Variants in EIF4E3 observed in about 807,000 individuals in gnomAD.
EIF4E3 encodes eukaryotic translation initiation factor 4E type 3.
In EIF4E3, 26 loss-of-function variants were observed where a neutral mutation model predicts 31.7. The observed-to-expected ratio is 0.82, with a 90% CI of 0.60 to 1.14. EIF4E3 has a LOEUF of 1.14. Ranked by LOEUF, EIF4E3 falls within the 50% of genes most tolerant of loss-of-function variation. The pLI is 0.00. For missense variants in EIF4E3, 304 were observed against 270.9 expected, an observed-to-expected ratio of 1.12 and a Z score of -0.86; for synonymous variants, 128 against 107.7, an observed-to-expected ratio of 1.19 and a Z score of -1.17.
chr3:71,737,989 G>A (rs952934168), intron 1 of EIF4E3, among the ~76,000 whole-genome samples: 5 of 152,062 alleles, frequency 3.3e-5, no homozygotes, highest in East Asian at 1.9e-4. Flanking sequence ...TTCCTCCCAC[G>A]AAGTATAGTG....
At chr3:71,698,935 T>C (rs1000383922) in intron 3 of EIF4E3, among the ~76,000 whole-genome samples, 7 of 152,330 alleles carry the variant, frequency 4.6e-5, no homozygotes, top group African/African-American at 1.7e-4. Context: ...ATTACATTTC[T>C]GGTGGCTGGG....
At chr3:71,710,567 G>T in intron 1 of EIF4E3, 83 bp from the exon 2 acceptor site, 1 of 1,360,308 alleles carries the variant, frequency 7.4e-7, no homozygotes, top group Non-Finnish European at 1.0e-6. Flanking sequence ...AATCTTTCAC[G>T]TCTTCCTAAA....
chr3:71,736,115 C>G (rs997001523), intron 1 of EIF4E3, among the ~76,000 whole-genome samples: 1 of 152,164 alleles, frequency 6.6e-6, no homozygotes, highest in African/African-American at 2.4e-5. Flanking sequence ...CACTATACAC[C>G]TATTAGAATG....
At chr3:71,693,096 G>C (rs1203569617) in intron 5 of EIF4E3, among the ~76,000 whole-genome samples, 1 of 152,160 alleles carries the variant, frequency 6.6e-6, no homozygotes, top group South Asian at 2.1e-4. Flanking sequence ...TTAACTGAAA[G>C]CTGGGGAAGA....
intron 1 of EIF4E3, among the ~76,000 whole-genome samples, chr3:71,745,306 A>G (rs1360789202): frequency 6.6e-6 from 1 of 152,206 alleles, no homozygotes; most frequent in East Asian, 1.9e-4. Flanking sequence ...GGGCATTTAA[A>G]AGAGCCAAAC....
chr3:71,735,590 C>T (rs920694851), intron 1 of EIF4E3, among the ~76,000 whole-genome samples: 1 of 152,090 alleles, frequency 6.6e-6, no homozygotes, highest in African/African-American at 2.4e-5. Context: ...CAAAGAAACG[C>T]AATACTGTGC....
At chr3:71,746,473 C>T (rs958715313) in intron 1 of EIF4E3, among the ~76,000 whole-genome samples, 11 of 152,188 alleles carry the variant, frequency 7.2e-5, no homozygotes, top group Admixed American at 7.2e-4. Context: ...AATCCTTATG[C>T]ACATGATCAT....
chr3:71,714,277 GGAAGGAAGGAAGGAAGGAAGGAAGGAAC>G (rs1373915597), intron 1 of EIF4E3, among the ~76,000 whole-genome samples: 2,554 of 135,802 alleles, frequency 0.019, 89 homozygotes, highest in African/African-American at 0.061. Flanking sequence ...AAGGAAAGAA[GGAAGGAAGGAAGGAAGGAAGGAAGGAAC>G]GAAAGAAAGG....
intron 5 of EIF4E3, among the ~76,000 whole-genome samples, chr3:71,692,187 C>G (rs78429760): frequency 0.021 from 3,184 of 152,184 alleles, 290 homozygotes; most frequent in Admixed American, 0.15. Context: ...CCAGCAAAAC[C>G]TTGATTATTT....
chr3:71,712,025 GAAGGT>G (rs1343394389), intron 1 of EIF4E3, among the ~76,000 whole-genome samples: 2 of 152,124 alleles, frequency 1.3e-5, no homozygotes, highest in African/African-American at 4.8e-5. Context: ...TTCCTTATCA[GAAGGT>G]CACTAAAGAA....
At chr3:71,752,867 C>A (rs938775614) in intron 1 of EIF4E3, among the ~76,000 whole-genome samples, 1 of 152,150 alleles carries the variant, frequency 6.6e-6, no homozygotes, top group Non-Finnish European at 1.5e-5. Flanking sequence ...CAAGGTCCTG[C>A]GAGACAAATG....
At chr3:71,754,329 G>T, upstream of EIF4E3, 2 of 1,241,474 alleles carry the variant, frequency 1.6e-6, no homozygotes, top group Non-Finnish European at 2.0e-6. The surrounding 1 kb of genome is among the most constrained non-coding windows in gnomAD (Gnocchi z 5.8). Flanking sequence ...GGGCGCGCTG[G>T]GCTGCAAGCT....
intron 5 of EIF4E3, among the ~76,000 whole-genome samples, chr3:71,690,696 G>A (rs968965079): frequency 6.6e-6 from 1 of 152,168 alleles, no homozygotes; most frequent in Non-Finnish European, 1.5e-5. Context: ...CTGCTCATCT[G>A]CTTTCTGCGG....
intron 1 of EIF4E3, among the ~76,000 whole-genome samples, chr3:71,722,442 G>A (rs188458470): frequency 8.5e-5 from 13 of 152,262 alleles, no homozygotes; most frequent in African/African-American, 7.2e-5. Flanking sequence ...ACTCAGAGGC[G>A]AGCGGGTCAC....
intron 1 of EIF4E3, among the ~76,000 whole-genome samples, chr3:71,718,593 C>T (rs758531495): frequency 4.6e-5 from 7 of 152,214 alleles, no homozygotes; most frequent in Non-Finnish European, 1.0e-4. Flanking sequence ...GAACCATTCC[C>T]ATGACAGATC....
At chr3:71,685,554 G>T in intron 6 of EIF4E3, among the ~76,000 whole-genome samples, 1 of 152,020 alleles carries the variant, frequency 6.6e-6, no homozygotes, top group East Asian at 1.9e-4. Flanking sequence ...TAGAGATGGG[G>T]GTCTCACCAT....
chr3:71,693,418 G>C (rs549226961), intron 5 of EIF4E3, among the ~76,000 whole-genome samples: 1 of 152,140 alleles, frequency 6.6e-6, no homozygotes, highest in Non-Finnish European at 1.5e-5. Context: ...AAGGGGTTAG[G>C]GGTTGAGAGG....
chr3:71,732,971 A>G (rs1231550537), intron 1 of EIF4E3, among the ~76,000 whole-genome samples: 2 of 152,236 alleles, frequency 1.3e-5, no homozygotes, highest in African/African-American at 4.8e-5. Context: ...ATAAAAGTCA[A>G]AAAAAGGTCA....
chr3:71,672,131 A>C (rs1310852725), downstream of EIF4E3, among the ~76,000 whole-genome samples: 1 of 152,146 alleles, frequency 6.6e-6, no homozygotes, highest in South Asian at 2.1e-4. Flanking sequence ...ACAGGTACAT[A>C]AATTCCCTGG....
Sources: allele counts gnomAD v4.1 joint callset (sites outside exome capture counted in the v4.1 genomes callset), GRCh38; gene constraint gnomAD v4.1.1; non-coding constraint Gnocchi (gnomAD v3.1); transcripts MANE v1.5; gene names NCBI Gene and HGNC (gene_info 2026-07-23, HGNC 2026-07-21).